Variants in KCND3 observed in about 807,000 individuals in gnomAD.
KCND3 encodes potassium voltage-gated channel subfamily D member 3.
KCND3 carries 9 observed loss-of-function variants against 51.1 expected under a neutral mutation model. That is an observed-to-expected ratio of 0.18 (90% CI 0.11 to 0.31). The LOEUF (loss-of-function observed/expected upper bound fraction) is 0.31, where lower values mean the gene tolerates loss of function less well. KCND3 is among the 10% of genes least tolerant of loss of function. The pLI is 1.00. For synonymous variants in KCND3, 349 were observed against 368.0 expected (o/e 0.95, Z 0.59); for missense variants, 526 against 903.8 (o/e 0.58, Z 5.36).
At chr1:111,890,090 AT>A (rs1314293783) in intron 2 of KCND3, among the ~76,000 whole-genome samples, 1 of 152,210 alleles carries the variant, frequency 6.6e-6, no homozygotes, top group Non-Finnish European at 1.5e-5. Flanking sequence ...ACACTGAAGA[AT>A]TCAGCTTTGC....
intron 3 of KCND3, among the ~76,000 whole-genome samples, chr1:111,782,304 C>T (rs1398516100): frequency 6.6e-6 from 1 of 152,160 alleles, no homozygotes; most frequent in East Asian, 1.9e-4. Context: ...ACTCCCTTCC[C>T]AGGCTTCTAA....
At chr1:111,824,406 T>C (rs1666485466) in intron 2 of KCND3, among the ~76,000 whole-genome samples, 1 of 152,214 alleles carries the variant, frequency 6.6e-6, no homozygotes, top group African/African-American at 2.4e-5. Context: ...TAATTCTTCT[T>C]CTGCCCTGGT....
In KCND3 at chr1:111,780,313, C is replaced by A; in HGVS notation, c.1373G>T (p.Gly458Val). ...GLLNEALELT[G>V]TPEEEHMGKT... ...GCCCATGTGCTCCTCTTCTGGGGTG[C>A]CCTAGTAAAAAAAGAAGAGAGATTG... The change falls in exon 5 of 8, where the codon GGC becomes GTC. Residue 458 changes from glycine (G) to valine (V), a missense_variant and splice_region_variant. Physicochemically the swap from Gly to Val is moderately radical, Grantham distance 109 (BLOSUM62 -3). Around this residue, in one of 5 missense-constraint regions of KCND3, gnomAD observed 266 missense variants for 305.5 expected, o/e 0.87. Transcript: ENST00000302127. The surrounding 1 kb of genome is among the most constrained non-coding windows in gnomAD (Gnocchi z 4.2). 1 of 1,563,002 alleles carries A rather than the reference C, an allele frequency of 6.4e-7. No individual in the cohort carries two copies. The highest frequency in any genetic ancestry group is 8.7e-7 in the Non-Finnish European group (1 of 1,152,412).
intron 2 of KCND3, among the ~76,000 whole-genome samples, chr1:111,926,955 C>T (rs1557723855): frequency 6.6e-6 from 1 of 152,154 alleles, no homozygotes; most frequent in Non-Finnish European, 1.5e-5. Context: ...CCTTTCACTC[C>T]TTCATTTATC....
chr1:111,792,436 C>T (rs1327866152), intron 2 of KCND3, among the ~76,000 whole-genome samples: 1 of 152,166 alleles, frequency 6.6e-6, no homozygotes, highest in African/African-American at 2.4e-5. Flanking sequence ...CAGGGAAGGA[C>T]AGAAGGGGAA....
intron 2 of KCND3, among the ~76,000 whole-genome samples, chr1:111,864,977 A>C (rs1014076302): frequency 6.6e-6 from 1 of 152,108 alleles, no homozygotes; most frequent in African/African-American, 2.4e-5. Flanking sequence ...GAAACAGGAA[A>C]CAGACACAGG....
intron 2 of KCND3, among the ~76,000 whole-genome samples, chr1:111,942,071 C>T (rs182003661): frequency 0.014 from 2,198 of 152,222 alleles, 47 homozygotes; most frequent in Admixed American, 0.059. Context: ...CCCTTTTGCC[C>T]ACCTGAACCC....
At chr1:111,856,605 G>C (rs568054391) in intron 2 of KCND3, among the ~76,000 whole-genome samples, 2 of 152,228 alleles carry the variant, frequency 1.3e-5, no homozygotes, top group Non-Finnish European at 2.9e-5. Flanking sequence ...GCCTCTGCCC[G>C]ACTTGGGGTC....
chr1:111,952,982 C>T (rs1229776332), intron 2 of KCND3, among the ~76,000 whole-genome samples: 1 of 152,152 alleles, frequency 6.6e-6, no homozygotes, highest in Non-Finnish European at 1.5e-5. Context: ...GGGCATTATT[C>T]TAAATGCTTT....
chr1:111,826,595 G>T (rs1419992229), intron 2 of KCND3, among the ~76,000 whole-genome samples: 4 of 152,108 alleles, frequency 2.6e-5, no homozygotes, highest in African/African-American at 7.2e-5. Context: ...TACGTTTAAT[G>T]CTTATTTGGG....
At chr1:111,819,341 G>T (rs1666245834) in intron 2 of KCND3, among the ~76,000 whole-genome samples, 1 of 151,264 alleles carries the variant, frequency 6.6e-6, no homozygotes, top group African/African-American at 2.4e-5. Context: ...GAGAAGAAAG[G>T]TACAGCATCA....
intron 2 of KCND3, among the ~76,000 whole-genome samples, chr1:111,814,729 A>G (rs1250568322): frequency 6.6e-6 from 1 of 152,256 alleles, no homozygotes; most frequent in African/African-American, 2.4e-5. Flanking sequence ...TGATACTGAC[A>G]TAAGTTCCCT....
chr1:111,974,069 A>G (rs1674491077), intron 2 of KCND3, among the ~76,000 whole-genome samples: 1 of 152,232 alleles, frequency 6.6e-6, no homozygotes, highest in South Asian at 2.1e-4. Flanking sequence ...GCAAAGGCTC[A>G]GCTATCTTCC....
intron 2 of KCND3, among the ~76,000 whole-genome samples, chr1:111,927,234 C>A (rs1238872108): frequency 6.6e-6 from 1 of 152,178 alleles, no homozygotes; most frequent in South Asian, 2.1e-4. Flanking sequence ...CCAGTGGGGG[C>A]TATGGGGTGC....
intron 2 of KCND3, among the ~76,000 whole-genome samples, chr1:111,837,948 G>A (rs1211176850): frequency 6.6e-6 from 1 of 152,106 alleles, no homozygotes; most frequent in Non-Finnish European, 1.5e-5. Flanking sequence ...GGTGTTTTGG[G>A]GGGAGACCAC....
At position 111,777,106 on chromosome 1, in the gene KCND3, C is replaced by G. The variant is rs1165285632; in HGVS notation, c.1686G>C (p.Leu562=). The G allele has an allele frequency of 6.2e-7, 1 of 1,614,046 alleles. No individual in the cohort carries two copies. Among genetic ancestry groups the G allele is most frequent in the African/African-American group, 1.3e-5 (1 of 75,014 alleles). The stretch of plus-strand genomic sequence containing the variant: ...GCATGCTGCGCAGGCGAGTAGCTGG[C>G]AGGTTAGAATTGGGCAGGTGTGTGG... The part of the protein sequence containing the change: ...KKTTHLPNSN[L]PATRLRSMQE... The change falls in exon 7 of 8, where the codon CTG becomes CTC. Residue 562 remains leucine (L), a synonymous_variant. Transcript: ENST00000302127.
intron 2 of KCND3, among the ~76,000 whole-genome samples, chr1:111,895,806 G>C (rs72981212): frequency 3.9e-4 from 60 of 152,358 alleles, no homozygotes; most frequent in Admixed American, 2.9e-3. Flanking sequence ...AGCTCTTCCC[G>C]GGGCCAGCCG....
intron 2 of KCND3, among the ~76,000 whole-genome samples, chr1:111,885,219 C>G (rs1377335253): frequency 2.0e-5 from 3 of 152,278 alleles, no homozygotes; most frequent in Middle Eastern, 3.4e-3. Flanking sequence ...TCCCAGTAAC[C>G]AGCAGGACAC....
chr1:111,973,895 C>G (rs187308496), intron 2 of KCND3, among the ~76,000 whole-genome samples: 2 of 152,150 alleles, frequency 1.3e-5, no homozygotes, highest in African/African-American at 4.8e-5. Context: ...ACAAAGGAGG[C>G]GTCCCCAGCC....
Sources: gnomAD v4.1 joint callset for allele counts (sites outside exome capture counted in the v4.1 genomes callset) on GRCh38, gnomAD v4.1.1 for gene constraint, gnomAD v4.1.1 regional missense constraint, Gnocchi (gnomAD v3.1) non-coding constraint, MANE v1.5 for transcripts, NCBI Gene and HGNC (gene_info 2026-07-23, HGNC 2026-07-21) for gene names.